The following AAK1 variants were observed in gnomAD, a reference collection of about 807,000 sequenced individuals.
AAK1 encodes AP2-associated protein kinase 1.
Under a neutral mutation model 116.0 loss-of-function variants are expected in AAK1, and 37 were observed. The ratio of observed to expected loss-of-function variants is 0.32; its 90% CI spans 0.25 to 0.42. AAK1 has a LOEUF of 0.42. Ranked by LOEUF, AAK1 falls within the 10% of genes least tolerant of loss-of-function variation. The probability of loss-of-function intolerance (pLI) is 1.00; values close to 1 mark genes in which losing one functional copy is unlikely to be tolerated. For missense variants in AAK1, 919 were observed against 1,170.6 expected (o/e 0.79, Z 3.14); for synonymous variants, 458 against 439.9 (o/e 1.04, Z -0.51).
intron 5 of AAK1, 105 bp from the exon 6 acceptor site, chr2:69,532,267 CATT>C: frequency 7.3e-7 from 1 of 1,371,768 alleles, no homozygotes; most frequent in Non-Finnish European, 1.0e-6. Context: ...CTGGCAGTCT[CATT>C]AATGTGCACA....
At chr2:69,493,198 A>T (rs1362743436) in intron 17 of AAK1, among the ~76,000 whole-genome samples, 1 of 150,138 alleles carries the variant, frequency 6.7e-6, no homozygotes, top group African/African-American at 2.5e-5. Flanking sequence ...GCCTTGATAT[A>T]GAAGCTGTGT....
chr2:69,482,677 T>C lies in AAK1; in HGVS notation c.2467+34A>G, dbSNP rs372695597. The C allele has an allele frequency of 2.6e-6, 4 of 1,519,140 alleles. No homozygotes were observed. The East Asian group carries it at 6.7e-5, about 26-fold the overall frequency. 94.1% of individuals were successfully genotyped at this position (1,519,140 alleles called of 1,614,324 possible). A position where few individuals can be genotyped will look rare whatever the true frequency, so the allele number is the denominator to read the frequency against. On this transcript the variant is annotated intron_variant, in intron 18 of 21. Transcript: ENST00000409085. The stretch of plus-strand genomic sequence containing the variant: ...ATTCTTGAAACAGGCACACATATCA[T>C]GCATGACTGAAGAAACAGAGATGAT...
chr2:69,619,586 A>G (rs577563842), intron 2 of AAK1, among the ~76,000 whole-genome samples: 11 of 152,292 alleles, frequency 7.2e-5, no homozygotes, highest in Admixed American at 3.9e-4. Flanking sequence ...CAATACACAA[A>G]CAAGCACGTT....
chr2:69,469,424 G>A lies in AAK1; in HGVS notation c.*6445C>T. Reference sequence around the variant, plus strand: ...TGAGTATGTGAATGTGTTCTTACAGGGAAAATGTGTTTTCAGGGTGAACAG... The same window carrying A: ...TGAGTATGTGAATGTGTTCTTACAGAGAAAATGTGTTTTCAGGGTGAACAG... On this transcript the variant is annotated 3_prime_UTR_variant, in exon 22 of 22. Coordinates refer to ENST00000409085, the MANE Select transcript of AAK1 (RefSeq NM_014911.5). 1.0e-6 allele frequency: 1 copy of A among 985,448 alleles called. No individual in the cohort carries two copies. 61.0% of individuals were successfully genotyped at this position (985,448 alleles called of 1,614,324 possible).
chr2:69,624,667 A>C (rs1674814792), intron 2 of AAK1, among the ~76,000 whole-genome samples: 1 of 152,240 alleles, frequency 6.6e-6, no homozygotes, highest in Admixed American at 6.5e-5. Context: ...AAGATTATAC[A>C]GTATATGGAA....
intron 5 of AAK1, among the ~76,000 whole-genome samples, chr2:69,541,685 T>A (rs1216934466): frequency 1.3e-5 from 2 of 152,358 alleles, no homozygotes; most frequent in Non-Finnish European, 1.5e-5. Flanking sequence ...TATTAAGATA[T>A]GGCTTCTTGG....
chr2:69,469,705 G>C lies in AAK1; in HGVS notation c.*6164C>G. On this transcript the variant is annotated 3_prime_UTR_variant, in exon 22 of 22. Coordinates refer to ENST00000409085, the MANE Select transcript of AAK1 (RefSeq NM_014911.5). ...TACTTATCATAGAGCCTAACGTAGG[G>C]TTTTGTTATAATTCCCTCAAACTGG... The C allele has an allele frequency of 4.1e-6, 4 of 985,394 alleles. No homozygotes were observed. Among genetic ancestry groups the C allele is most frequent in the Non-Finnish European group, 4.8e-6 (4 of 829,924 alleles). 61.0% of individuals were successfully genotyped at this position (985,394 alleles called of 1,614,324 possible).
chr2:69,520,268 A>T (rs1413796583), intron 11 of AAK1: 1 of 157,740 alleles, frequency 6.3e-6, no homozygotes, highest in East Asian at 1.8e-4. Flanking sequence ...GTCTAGAAAA[A>T]GCGACAAAGG....
intron 2 of AAK1, among the ~76,000 whole-genome samples, chr2:69,625,090 TA>T (rs1268072190): frequency 1.3e-5 from 2 of 152,100 alleles, no homozygotes; most frequent in African/African-American, 4.8e-5. Context: ...ATGTGAGACA[TA>T]AAAAAATGGT....
In AAK1 at chr2:69,467,816, A is replaced by C. The variant is rs949296050; in HGVS notation, c.*8053T>G. Reference sequence around the variant, plus strand: ...ATTAAAATCAGTTTATTGGGAAACCAGTCACTTAGAGACATTACATTGTAA... The same window carrying C: ...ATTAAAATCAGTTTATTGGGAAACCCGTCACTTAGAGACATTACATTGTAA... On this transcript the variant is annotated 3_prime_UTR_variant, in exon 22 of 22. Coordinates refer to ENST00000409085, the MANE Select transcript of AAK1 (RefSeq NM_014911.5). 37 of 985,340 alleles carry C rather than the reference A, an allele frequency of 3.8e-5. No homozygotes were observed. The highest frequency in any genetic ancestry group is 4.3e-5 in the Non-Finnish European group (36 of 829,924). 61.0% of individuals were successfully genotyped at this position (985,340 alleles called of 1,614,324 possible).
chr2:69,608,153 G>A (rs1673893249), intron 2 of AAK1, among the ~76,000 whole-genome samples: 1 of 152,170 alleles, frequency 6.6e-6, no homozygotes, highest in Non-Finnish European at 1.5e-5. Flanking sequence ...AGCAATAAAT[G>A]CAGGCAGCAC....
At chr2:69,575,518 G>A (rs1177865247) in intron 2 of AAK1, among the ~76,000 whole-genome samples, 2 of 143,274 alleles carry the variant, frequency 1.4e-5, no homozygotes, top group African/African-American at 5.3e-5. Context: ...CGCCCAGGCT[G>A]GAGTGCAATG....
Position 69,478,984 on chromosome 2 carries a change from C to T in AAK1, c.2647G>A (p.Ala883Thr). 1 of 1,613,804 alleles carries T rather than the reference C, an allele frequency of 6.2e-7. No individual in the cohort carries two copies. The change falls in exon 20 of 22, where the codon GCC (alanine) becomes ACC (threonine). Residue 883 changes from alanine to threonine, a missense_variant. By Grantham distance (58) the Ala-to-Thr change is moderately conservative. Transcript: ENST00000409085. ...ACTGGAGCAGAGATTGCTGTGGGGGCAAACTCTTCCAGAAGGTCAGTAGTA... is the reference window on the plus strand; with the variant it reads ...ACTGGAGCAGAGATTGCTGTGGGGGTAAACTCTTCCAGAAGGTCAGTAGTA... The part of the protein sequence containing the change: ...NPTTDLLEEF[A>T]PTAISAPVHK...
chr2:69,505,789 C>A, intron 15 of AAK1, 116 bp from the exon 16 acceptor site: 1 of 628,408 alleles, frequency 1.6e-6, no homozygotes, highest in South Asian at 2.1e-5. Context: ...ACTTTTACTG[C>A]ATTATGGCGA....
intron 2 of AAK1, among the ~76,000 whole-genome samples, chr2:69,633,519 T>C (rs781457717): frequency 1.6e-4 from 24 of 151,030 alleles, no homozygotes; most frequent in Non-Finnish European, 3.4e-4. Flanking sequence ...GAGAATCTCT[T>C]GAACCCGGGA....
chr2:69,636,886 G>C (rs1675470889), intron 2 of AAK1, among the ~76,000 whole-genome samples: 1 of 152,064 alleles, frequency 6.6e-6, no homozygotes, highest in Admixed American at 6.5e-5. Context: ...GTTTACTAGA[G>C]ACGAGGTTTC....
chr2:69,603,479 G>A (rs913359319), intron 2 of AAK1, among the ~76,000 whole-genome samples: 11 of 151,930 alleles, frequency 7.2e-5, no homozygotes, highest in Admixed American at 2.0e-4. Context: ...TCACACTATC[G>A]CCTCCCTTTC....
intron 2 of AAK1, among the ~76,000 whole-genome samples, chr2:69,591,509 CTT>C (rs1673023639): frequency 2.1e-5 from 3 of 142,914 alleles, no homozygotes; most frequent in Non-Finnish European, 4.5e-5. Flanking sequence ...ATTTTTTTTT[CTT>C]TTTTTCTTTT....
In AAK1 at chr2:69,544,488, G is replaced by A. The variant is rs369355252; in HGVS notation, c.339C>T (p.Asn113=). Residue 113 remains asparagine, a synonymous_variant, in exon 4 of 22, where the codon AAC becomes AAT. Coordinates refer to ENST00000409085, the MANE Select transcript of AAK1 (RefSeq NM_014911.5). The stretch of plus-strand genomic sequence containing the variant: ...CTTCCCATACATCACCGCTACTCAC[G>A]TTGTTGATACTAGAATCAATGTAAC... ...IVGYIDSSIN[N]VSSGDVWEVL... 9.3e-6 allele frequency: 15 copies of A among 1,613,820 alleles called. 1 individual carries two copies. In the Middle Eastern group the frequency reaches 5.0e-4, roughly 53 times the overall value.
Sources: gnomAD v4.1 joint callset for allele counts (sites outside exome capture counted in the v4.1 genomes callset) on GRCh38, gnomAD v4.1.1 for gene constraint, MANE v1.5 for transcripts, NCBI Gene and HGNC (gene_info 2026-07-23, HGNC 2026-07-21) for gene names.